Variants in RAPGEF1 observed in about 807,000 individuals in gnomAD.
The protein encoded by RAPGEF1 is CRK SH3-binding GNRP.
Under a neutral mutation model 143.3 loss-of-function variants are expected in RAPGEF1, and 33 were observed. That is an observed-to-expected ratio of 0.23 (90% CI 0.17 to 0.31). The LOEUF is 0.31. RAPGEF1 is among the 10% of genes least tolerant of loss of function. The pLI, the probability that RAPGEF1 is intolerant of heterozygous loss-of-function variation, is 1.00. For synonymous variants in RAPGEF1, 629 were observed against 676.5 expected (o/e 0.93, Z 1.09); for missense variants, 1,199 against 1,645.4 (o/e 0.73, Z 4.69).
At chr9:131,738,709 A>C (rs1294628759) in intron 1 of RAPGEF1, among the ~76,000 whole-genome samples, 1 of 152,230 alleles carries the variant, frequency 6.6e-6, no homozygotes, top group African/African-American at 2.4e-5. Context: ...TTAGATATAT[A>C]GTAAACCCTC....
At chr9:131,685,822 T>C (rs951119555) in intron 1 of RAPGEF1, among the ~76,000 whole-genome samples, 2 of 152,210 alleles carry the variant, frequency 1.3e-5, no homozygotes, top group East Asian at 3.9e-4. Context: ...GAGGGGCATA[T>C]AGTGGAGTAT....
chr9:131,617,670 A>G (rs1436029677), intron 12 of RAPGEF1, among the ~76,000 whole-genome samples: 3 of 152,254 alleles, frequency 2.0e-5, no homozygotes, highest in Non-Finnish European at 4.4e-5. Context: ...AAGAACAGTA[A>G]TAAGCTTTCT....
intron 1 of RAPGEF1, among the ~76,000 whole-genome samples, chr9:131,736,911 C>T (rs1269816533): frequency 1.3e-5 from 2 of 152,176 alleles, no homozygotes; most frequent in African/African-American, 4.8e-5. Context: ...GAATCAAATA[C>T]TCCTCTGGAG....
At chr9:131,618,418 C>A (rs1207688092) in intron 12 of RAPGEF1, among the ~76,000 whole-genome samples, 1 of 152,214 alleles carries the variant, frequency 6.6e-6, no homozygotes, top group Non-Finnish European at 1.5e-5. Context: ...CAAATGCTCA[C>A]TATTATTTTA....
At chr9:131,619,586 C>A (rs989817141) in intron 11 of RAPGEF1, among the ~76,000 whole-genome samples, 4 of 152,200 alleles carry the variant, frequency 2.6e-5, no homozygotes, top group African/African-American at 9.6e-5. Context: ...CTCCGGCAGC[C>A]TGGGTTTGAG....
intron 1 of RAPGEF1, among the ~76,000 whole-genome samples, chr9:131,671,076 G>A (rs915910567): frequency 2.0e-5 from 3 of 152,142 alleles, no homozygotes; most frequent in Admixed American, 6.5e-5. Flanking sequence ...CACACTGTCC[G>A]GGGAATGCCC....
chr9:131,673,210 T>G (rs1170415499), intron 1 of RAPGEF1, among the ~76,000 whole-genome samples: 1 of 152,202 alleles, frequency 6.6e-6, no homozygotes, highest in Non-Finnish European at 1.5e-5. Flanking sequence ...TGTTCCTATT[T>G]GCAATCAGAA....
intron 1 of RAPGEF1, among the ~76,000 whole-genome samples, chr9:131,699,536 G>A (rs987918677): frequency 1.3e-5 from 2 of 152,118 alleles, no homozygotes; most frequent in South Asian, 2.1e-4. Context: ...GAGGCACTGC[G>A]CCTGGCCCCA....
At chr9:131,654,616 T>C (rs549267827) in intron 1 of RAPGEF1, among the ~76,000 whole-genome samples, 2 of 152,222 alleles carry the variant, frequency 1.3e-5, no homozygotes, top group South Asian at 4.1e-4. Flanking sequence ...GTGGGAGGAC[T>C]GCTTGAGCCC....
At chr9:131,619,231 G>A (rs1431595482) in intron 11 of RAPGEF1, 25 bp from the exon 12 acceptor site, 29 of 1,298,962 alleles carry the variant, frequency 2.2e-5, no homozygotes, top group Non-Finnish European at 2.9e-5. Context: ...GGAGGAGAGA[G>A]AAGGCAGGGA....
intron 4 of RAPGEF1, among the ~76,000 whole-genome samples, chr9:131,639,954 T>C (rs1379391333): frequency 6.6e-6 from 1 of 152,354 alleles, no homozygotes; most frequent in East Asian, 1.9e-4. Flanking sequence ...CGTTCCACTC[T>C]GCATGTTCCA....
At chr9:131,648,475 T>A (rs552847754) in intron 3 of RAPGEF1, among the ~76,000 whole-genome samples, 84 of 152,276 alleles carry the variant, frequency 5.5e-4, no homozygotes, top group African/African-American at 1.9e-3. Flanking sequence ...CAGTTTCATA[T>A]CAGAATTCAC....
chr9:131,607,843 A>T (rs1957358401), intron 12 of RAPGEF1, among the ~76,000 whole-genome samples: 1 of 152,228 alleles, frequency 6.6e-6, no homozygotes, highest in African/African-American at 2.4e-5. Flanking sequence ...CGTGCCCTGC[A>T]ATAACTGAGC....
intron 5 of RAPGEF1, among the ~76,000 whole-genome samples, chr9:131,632,016 AT>A (rs1421004769): frequency 6.6e-6 from 1 of 152,240 alleles, no homozygotes; most frequent in African/African-American, 2.4e-5. Flanking sequence ...CATGCCTATA[AT>A]CCTAGCACTC....
chr9:131,682,093 A>T (rs1313596284), intron 1 of RAPGEF1, among the ~76,000 whole-genome samples: 1 of 150,386 alleles, frequency 6.6e-6, no homozygotes, highest in Non-Finnish European at 1.5e-5. Flanking sequence ...GGCAAGACTG[A>T]GAGTGGATAA....
chr9:131,657,118 A>G (rs1409468334), intron 1 of RAPGEF1, among the ~76,000 whole-genome samples: 2 of 152,204 alleles, frequency 1.3e-5, no homozygotes, highest in Non-Finnish European at 2.9e-5. Context: ...CATTCACACT[A>G]TGCCTTTGAG....
chr9:131,595,276 G>C (rs1422591799), intron 17 of RAPGEF1, among the ~76,000 whole-genome samples: 1 of 152,260 alleles, frequency 6.6e-6, no homozygotes, highest in Admixed American at 6.5e-5. Context: ...CAGTGAAGGG[G>C]AGGGCGGAGC....
At chr9:131,715,039 C>T (rs909215619) in intron 1 of RAPGEF1, among the ~76,000 whole-genome samples, 4 of 151,976 alleles carry the variant, frequency 2.6e-5, no homozygotes, top group Non-Finnish European at 5.9e-5. Context: ...CTTTCCTGTC[C>T]AGGCCTGGAG....
At chr9:131,633,833 C>T (rs1266819793) in intron 5 of RAPGEF1, among the ~76,000 whole-genome samples, 2 of 152,242 alleles carry the variant, frequency 1.3e-5, no homozygotes, top group Non-Finnish European at 2.9e-5. Context: ...ACATATCTGG[C>T]TACTGTGCTA....
Sources: allele counts gnomAD v4.1 joint callset (sites outside exome capture counted in the v4.1 genomes callset), GRCh38; gene constraint gnomAD v4.1.1; transcripts MANE v1.5; gene names NCBI Gene and HGNC (gene_info 2026-07-23, HGNC 2026-07-21).